Variants in CNTN4 observed in about 807,000 individuals in gnomAD.
CNTN4 encodes contactin-4.
Under a neutral mutation model 122.5 loss-of-function variants are expected in CNTN4, and 77 were observed. The ratio of observed to expected loss-of-function variants is 0.63; its 90% CI spans 0.52 to 0.76. CNTN4 has a LOEUF of 0.76. CNTN4 is among the 30% of genes least tolerant of loss of function. The probability of loss-of-function intolerance (pLI) is 0.00; values close to 1 mark genes in which losing one functional copy is unlikely to be tolerated. For synonymous variants in CNTN4, 512 were observed against 447.0 expected, an observed-to-expected ratio of 1.15 and a Z score of -1.83; for missense variants, 1,256 against 1,259.1, an observed-to-expected ratio of 1.00 and a Z score of 0.04.
chr3:2,156,215 A>G (rs1279437519), intron 2 of CNTN4, among the ~76,000 whole-genome samples: 1 of 152,212 alleles, frequency 6.6e-6, no homozygotes, highest in Non-Finnish European at 1.5e-5. Flanking sequence ...CAGTGCTTCC[A>G]TAACCAGCTG....
intron 3 of CNTN4, among the ~76,000 whole-genome samples, chr3:2,381,925 T>C (rs2046038771): frequency 6.6e-6 from 1 of 152,072 alleles, no homozygotes; most frequent in Admixed American, 6.6e-5. Flanking sequence ...CTGTGTAAAA[T>C]TAAAAAAATA....
intron 4 of CNTN4, among the ~76,000 whole-genome samples, chr3:2,590,650 A>G (rs2080427126): frequency 6.6e-6 from 1 of 151,898 alleles, no homozygotes; most frequent in Non-Finnish European, 1.5e-5. Flanking sequence ...GCTCACTAGA[A>G]ATTCTAATCT....
At chr3:2,428,241 T>C (rs565569642) in intron 3 of CNTN4, among the ~76,000 whole-genome samples, 5 of 152,204 alleles carry the variant, frequency 3.3e-5, no homozygotes, top group Non-Finnish European at 7.3e-5. Flanking sequence ...AGTGCTTTCT[T>C]CAGGAGCTCT....
At chr3:2,829,890 T>G (rs968929106) in intron 7 of CNTN4, among the ~76,000 whole-genome samples, 1 of 152,226 alleles carries the variant, frequency 6.6e-6, no homozygotes, top group Non-Finnish European at 1.5e-5. Context: ...TACTTTCTAC[T>G]TTAATTCTTT....
At chr3:2,310,822 G>C (rs1336190084) in intron 2 of CNTN4, among the ~76,000 whole-genome samples, 1 of 152,030 alleles carries the variant, frequency 6.6e-6, no homozygotes, top group Non-Finnish European at 1.5e-5. Flanking sequence ...AGAAATAAAA[G>C]GATTGCATTT....
rs1341067679 is a variant in CNTN4 at position 2,630,332 on chromosome 3, G to A, written c.55+58774G>A. 1.2e-4 allele frequency among the ~76,000 whole-genome samples: 19 copies of A among 152,120 alleles called. 1 individual carries two copies. Among genetic ancestry groups the A allele is most frequent in the East Asian group, 1.9e-4 (1 of 5,190 alleles). On this transcript the variant is annotated intron_variant, in intron 4 of 24. Transcript: ENST00000418658. ...TACACAACTGTAGTCCCAACTACTC[G>A]GGAGGCTGAGGTGGGAGAATTGCTT...
intron 2 of CNTN4, among the ~76,000 whole-genome samples, chr3:2,301,035 G>A (rs574370623): frequency 3.9e-5 from 6 of 152,190 alleles, no homozygotes; most frequent in South Asian, 2.1e-4. Flanking sequence ...CTTTAAATCC[G>A]GATTTGTATT....
At chr3:2,361,285 TC>T (rs1259405609) in intron 3 of CNTN4, among the ~76,000 whole-genome samples, 1 of 152,238 alleles carries the variant, frequency 6.6e-6, no homozygotes, top group Non-Finnish European at 1.5e-5. Context: ...ATACAGTTGT[TC>T]TAACTCAGTG....
At chr3:2,913,083 C>T (rs993897857) in intron 12 of CNTN4, among the ~76,000 whole-genome samples, 1 of 152,074 alleles carries the variant, frequency 6.6e-6, no homozygotes, top group South Asian at 2.1e-4. Flanking sequence ...ACCCGAGAGG[C>T]GGAGGCTGCA....
At chr3:2,552,020 C>G (rs1031438350) in intron 3 of CNTN4, among the ~76,000 whole-genome samples, 2 of 152,098 alleles carry the variant, frequency 1.3e-5, no homozygotes, top group African/African-American at 4.8e-5. Flanking sequence ...GAAAACAAAA[C>G]TATTTGTCTT....
intron 12 of CNTN4, among the ~76,000 whole-genome samples, chr3:2,918,505 G>A (rs2151301100): frequency 6.6e-6 from 1 of 152,280 alleles, no homozygotes; most frequent in Non-Finnish European, 1.5e-5. Context: ...GCGGTTAGCT[G>A]CTAGAGCTAG....
At chr3:2,869,804 A>G (rs889304512) in intron 8 of CNTN4, among the ~76,000 whole-genome samples, 1 of 152,226 alleles carries the variant, frequency 6.6e-6, no homozygotes, top group Non-Finnish European at 1.5e-5. Context: ...GCTACATTAT[A>G]TTCAATAAAA....
At chr3:2,630,800 T>G (rs2082399384) in intron 4 of CNTN4, among the ~76,000 whole-genome samples, 1 of 152,072 alleles carries the variant, frequency 6.6e-6, no homozygotes, top group East Asian at 1.9e-4. Flanking sequence ...AAAAAATGTG[T>G]AAAATTTAAA....
chr3:2,325,312 C>A (rs1475565202), intron 2 of CNTN4, among the ~76,000 whole-genome samples: 3 of 152,128 alleles, frequency 2.0e-5, no homozygotes, highest in Non-Finnish European at 4.4e-5. Context: ...AATATTTTCC[C>A]ATTGAACATG....
intron 3 of CNTN4, among the ~76,000 whole-genome samples, chr3:2,364,632 G>A (rs72994059): frequency 8.7e-4 from 133 of 152,024 alleles, no homozygotes; most frequent in South Asian, 2.7e-3. Flanking sequence ...CAGGCCTTGC[G>A]CATGAAGCAA....
chr3:2,426,945 T>G (rs1348402001), intron 3 of CNTN4, among the ~76,000 whole-genome samples: 2 of 152,204 alleles, frequency 1.3e-5, no homozygotes, highest in Admixed American at 6.5e-5. Context: ...ATTACGTCTA[T>G]TTGATTCTTC....
At chr3:2,588,211 A>G (rs975278051) in intron 4 of CNTN4, among the ~76,000 whole-genome samples, 1 of 152,154 alleles carries the variant, frequency 6.6e-6, no homozygotes, top group African/African-American at 2.4e-5. Context: ...CTGAGCCTTG[A>G]TAGTTCACCA....
intron 4 of CNTN4, among the ~76,000 whole-genome samples, chr3:2,684,779 A>G (rs952281751): frequency 2.0e-5 from 3 of 152,224 alleles, no homozygotes; most frequent in Admixed American, 6.6e-5. Context: ...TAGTTTAACA[A>G]AAATTTGTTG....
intron 4 of CNTN4, among the ~76,000 whole-genome samples, chr3:2,643,517 G>A (rs1217229763): frequency 2.6e-5 from 4 of 152,120 alleles, no homozygotes; most frequent in Non-Finnish European, 4.4e-5. Context: ...TGACTTGTGT[G>A]CATGTCCATC....
Sources: allele counts gnomAD v4.1 joint callset (sites outside exome capture counted in the v4.1 genomes callset), GRCh38; gene constraint gnomAD v4.1.1; transcripts MANE v1.5; gene names NCBI Gene and HGNC (gene_info 2026-07-23, HGNC 2026-07-21).